SMURF1: variants seen among roughly 807,000 people sequenced by gnomAD.
SMURF1 encodes SMAD specific E3 ubiquitin protein ligase 1.
SMURF1 carries 44 observed loss-of-function variants against 98.0 expected under a neutral mutation model. The ratio of observed to expected loss-of-function variants is 0.45; its 90% CI spans 0.35 to 0.58. SMURF1 has a LOEUF of 0.58. Ranked by LOEUF, SMURF1 falls within the 20% of genes least tolerant of loss-of-function variation. The pLI is 0.00. For missense variants in SMURF1, 687 were observed against 938.4 expected (o/e 0.73, Z 3.50); for synonymous variants, 396 against 374.9 (o/e 1.06, Z -0.65).
intron 1 of SMURF1, chr7:99,120,792 T>C (rs1797595395): frequency 6.7e-6 from 1 of 149,758 alleles, no homozygotes; most frequent in Non-Finnish European, 1.5e-5. Context: ...TGCAGAGCAG[T>C]GTAGTGGGAA....
intron 1 of SMURF1, among the ~76,000 whole-genome samples, chr7:99,130,821 C>A (rs1332533095): frequency 6.6e-6 from 1 of 152,118 alleles, no homozygotes; most frequent in East Asian, 1.9e-4. Flanking sequence ...GTGGGACTAA[C>A]CCCCTGATTA....
intron 1 of SMURF1, among the ~76,000 whole-genome samples, chr7:99,082,057 G>A (rs1202895498): frequency 2.6e-5 from 4 of 152,296 alleles, no homozygotes. Flanking sequence ...TCTTTTCATG[G>A]GCTTATTGGC....
At chr7:99,112,507 C>A (rs1252316685) in intron 1 of SMURF1, among the ~76,000 whole-genome samples, 2 of 152,132 alleles carry the variant, frequency 1.3e-5, no homozygotes, top group Non-Finnish European at 2.9e-5. Context: ...CAAGCAGCAA[C>A]AATCCACAGG....
rs368930609 is a variant in SMURF1, at chr7:99,075,628, T to A, written c.56-13791A>T. On this transcript the variant is annotated intron_variant, in intron 1 of 17. Coordinates refer to ENST00000361368, the MANE Select transcript of SMURF1 (RefSeq NM_181349.3). ...GTTAGCATCAGAATTGGGATTGATGTGGGGAAAAAAAAAAAAAACCCACAC... is the reference window on the plus strand; with the variant it reads ...GTTAGCATCAGAATTGGGATTGATGAGGGGAAAAAAAAAAAAAACCCACAC... 1.6e-4 allele frequency among the ~76,000 whole-genome samples: 24 copies of A among 146,984 alleles called. No individual in the cohort carries two copies. In the East Asian group the frequency reaches 2.7e-3, roughly 17 times the overall value.
chr7:99,123,212 G>GT, intron 1 of SMURF1, among the ~76,000 whole-genome samples: 1 of 151,998 alleles, frequency 6.6e-6, no homozygotes, highest in East Asian at 1.9e-4. Flanking sequence ...GCCAGTAGCA[G>GT]TGTAAGCCAA....
chr7:99,074,969 A>T (rs1483195784), intron 1 of SMURF1, among the ~76,000 whole-genome samples: 2 of 152,256 alleles, frequency 1.3e-5, no homozygotes, highest in Non-Finnish European at 2.9e-5. Context: ...CATTGGTACA[A>T]TGCACAATGC....
chr7:99,063,263 A>ATATAAGATT (rs1796097285), intron 1 of SMURF1, among the ~76,000 whole-genome samples: 1 of 8,240 alleles, frequency 1.2e-4, no homozygotes, highest in Admixed American at 1.5e-3. Flanking sequence ...ATATATATAT[A>ATATAAGATT]TATATATATA....
Position 99,035,518 on chromosome 7 carries a change from G to A in SMURF1, c.2008C>T (p.Gln670Ter). 6.2e-7 allele frequency: 1 copy of A among 1,614,160 alleles called. No homozygotes were observed. Among genetic ancestry groups the A allele is most frequent in the Non-Finnish European group, 8.5e-7 (1 of 1,180,044 alleles). The change falls in exon 16 of 18, where the codon CAA (glutamine) becomes TAA (stop). Residue 670 changes from glutamine to a stop codon, truncating the protein, a stop_gained. Coordinates refer to ENST00000361368, the MANE Select transcript of SMURF1 (RefSeq NM_181349.3). LOFTEE classifies it high-confidence loss of function. The part of the protein sequence containing the change: ...RVPLQGFKAL[Q>*]GSTGAAGPRL... ...GCCCTGCCTCCACGTCAGTCACCTT[G>A]CAAAGCCTTGAAGCCTTGGAGCGGG...
At chr7:99,042,345 T>C in intron 11 of SMURF1, 113 bp from the exon 12 acceptor site, 1 of 668,672 alleles carries the variant, frequency 1.5e-6, no homozygotes, top group Middle Eastern at 3.1e-4. Flanking sequence ...AGTGGCATGA[T>C]CTTGGCTCAC....
chr7:99,100,244 A>G (rs1300144256), intron 1 of SMURF1, among the ~76,000 whole-genome samples: 1 of 152,284 alleles, frequency 6.6e-6, no homozygotes, highest in Non-Finnish European at 1.5e-5. Context: ...CGCATCCAGC[A>G]GTTAATTTCA....
At chr7:99,050,663 C>T (rs182946218) in intron 8 of SMURF1, 99 of 361,950 alleles carry the variant, frequency 2.7e-4, no homozygotes, top group African/African-American at 1.9e-3. Flanking sequence ...ACAGGGGGTA[C>T]AAAAGAGACA....
At chr7:99,129,579 A>G (rs1161915719) in intron 1 of SMURF1, among the ~76,000 whole-genome samples, 1 of 152,140 alleles carries the variant, frequency 6.6e-6, no homozygotes, top group Non-Finnish European at 1.5e-5. Context: ...TTTTGTATAG[A>G]TAGGGTCTTG....
At chr7:99,031,151 C>G (rs1240512447) in intron 17 of SMURF1, among the ~76,000 whole-genome samples, 2 of 152,164 alleles carry the variant, frequency 1.3e-5, no homozygotes, top group African/African-American at 4.8e-5. Flanking sequence ...CCCCTGTAAC[C>G]TAGACTGGCT....
chr7:99,052,402 A>G lies in SMURF1; in HGVS notation c.524T>C (p.Phe175Ser). 6.2e-7 allele frequency: 1 copy of G among 1,602,498 alleles called. No individual in the cohort carries two copies. Among genetic ancestry groups the G allele is most frequent in the Non-Finnish European group, 8.5e-7 (1 of 1,173,414 alleles). ...DSGPGRPLSC[F>S]MEEPAPYTDS... The stretch of plus-strand genomic sequence containing the variant: ...TGTGTAAGGGGCTGGTTCCTCCATG[A>G]AGCAGCTGAGCGGCCTCCCAGGCCC... The change falls in exon 7 of 18, where the codon TTC becomes TCC. Residue 175 changes from phenylalanine to serine, a missense_variant. This residue lies in a region of SMURF1 where 415 missense variants were observed against 508.4 expected (regional missense o/e 0.82). Coordinates refer to ENST00000361368, the MANE Select transcript of SMURF1 (RefSeq NM_181349.3).
intron 10 of SMURF1, among the ~76,000 whole-genome samples, chr7:99,046,146 G>A (rs1795565007): frequency 6.6e-6 from 1 of 152,220 alleles, no homozygotes; most frequent in African/African-American, 2.4e-5. Flanking sequence ...AACAACTTGT[G>A]CATCGCAACC....
intron 1 of SMURF1, among the ~76,000 whole-genome samples, chr7:99,106,410 T>A (rs1797195004): frequency 6.6e-6 from 1 of 152,254 alleles, no homozygotes; most frequent in South Asian, 2.1e-4. Flanking sequence ...TCAGCATTTA[T>A]TCCAGTAGGT....
Position 99,030,220 on chromosome 7 carries a change from C to A in SMURF1, c.*364G>T. 1 of 198,050 alleles carries A rather than the reference C, an allele frequency of 5.0e-6. No homozygotes were observed. Among genetic ancestry groups the A allele is most frequent in the Non-Finnish European group, 1.0e-5 (1 of 95,898 alleles). 12.3% of individuals were successfully genotyped at this position (198,050 alleles called of 1,614,324 possible). On this transcript the variant is annotated 3_prime_UTR_variant, in exon 18 of 18. Transcript: ENST00000361368. ...GTTCCAAACCCTCAATCAGCCACGC[C>A]CAGTCCCCTAACTGTGAGTTGATGC...
Position 99,030,422 on chromosome 7 carries a change from A to AGTCCCCC in SMURF1, c.*155_*161dup. The stretch of plus-strand genomic sequence containing the variant: ...TATATGGGTGGGAGCCACCAACAAA[A>AGTCCCCC]GTCCCCCATCCCCCTCCCCCAACAG... On this transcript the variant is annotated 3_prime_UTR_variant, in exon 18 of 18. Coordinates refer to ENST00000361368, the MANE Select transcript of SMURF1 (RefSeq NM_181349.3). The AGTCCCCC allele has an allele frequency of 1.6e-6, 1 of 628,126 alleles. No homozygotes were observed. Among genetic ancestry groups the AGTCCCCC allele is most frequent in the South Asian group, 1.9e-5 (1 of 52,772 alleles). 38.9% of individuals were successfully genotyped at this position (628,126 alleles called of 1,614,324 possible). A position where few individuals can be genotyped will look rare whatever the true frequency, so the allele number is the denominator to read the frequency against.
At chr7:99,047,437 A>G (rs775362563) in intron 10 of SMURF1, among the ~76,000 whole-genome samples, 33 of 152,212 alleles carry the variant, frequency 2.2e-4, no homozygotes, top group Non-Finnish European at 4.7e-4. Flanking sequence ...TTTTACCATA[A>G]GAGGAAATGA....
Sources: gnomAD v4.1 joint callset for allele counts (sites outside exome capture counted in the v4.1 genomes callset) on GRCh38, gnomAD v4.1.1 for gene constraint, gnomAD v4.1.1 regional missense constraint, MANE v1.5 for transcripts, NCBI Gene and HGNC (gene_info 2026-07-23, HGNC 2026-07-21) for gene names.